The following PABPC1L variants were observed in gnomAD, a reference collection of about 807,000 sequenced individuals.
PABPC1L encodes polyadenylate-binding protein 1-like.
Under a neutral mutation model 66.6 loss-of-function variants are expected in PABPC1L, and 31 were observed. That is an observed-to-expected ratio of 0.47 (90% CI 0.35 to 0.63). The LOEUF (loss-of-function observed/expected upper bound fraction) is 0.63, where lower values mean the gene tolerates loss of function less well. PABPC1L is among the 20% of genes least tolerant of loss of function. The pLI, the probability that PABPC1L is intolerant of heterozygous loss-of-function variation, is 0.00. For synonymous variants in PABPC1L, 348 were observed against 335.1 expected (o/e 1.04, Z -0.42); for missense variants, 722 against 848.8 (o/e 0.85, Z 1.86).
chr20:44,932,141 A>T, intron 8 of PABPC1L: 1 of 400,758 alleles, frequency 2.5e-6, no homozygotes, highest in Non-Finnish European at 4.4e-6. Context: ...ATTGAAATCT[A>T]AGATCTTTGC....
intron 6 of PABPC1L, among the ~76,000 whole-genome samples, chr20:44,922,446 CA>C (rs926633981): frequency 1.8e-4 from 27 of 152,238 alleles, no homozygotes; most frequent in Non-Finnish European, 3.1e-4. Context: ...CCATGTTGCC[CA>C]GGCTGGTCTT....
chr20:44,912,701 G>A lies in PABPC1L; in HGVS notation c.235G>A (p.Gly79Ser), dbSNP rs765091421. Residue 79 changes from glycine (G) to serine (S), a missense_variant, in exon 2 of 15, where the codon GGC (glycine) becomes AGC (serine). Coordinates refer to ENST00000217073, the MANE Select transcript of PABPC1L (RefSeq NM_001372179.1). ...CACAATGAACTTTGAGATGCTCAAA[G>A]GCCAGCCTATTCGCATCATGTGGTC... The part of the protein sequence containing the change: ...LDTMNFEMLK[G>S]QPIRIMWSQR... 3 of 1,614,072 alleles carry A rather than the reference G, an allele frequency of 1.9e-6. No individual in the cohort carries two copies. The highest frequency in any genetic ancestry group is 2.5e-6 in the Non-Finnish European group (3 of 1,179,982).
rs2066741577 is a variant in PABPC1L, at chr20:44,916,884, G to A, written c.503+13G>A. 1 of 1,612,074 alleles carries A rather than the reference G, an allele frequency of 6.2e-7. No homozygotes were observed. The highest frequency in any genetic ancestry group is 1.3e-5 in the African/African-American group (1 of 74,890). On this transcript the variant is annotated intron_variant, in intron 3 of 14. Coordinates refer to ENST00000217073, the MANE Select transcript of PABPC1L (RefSeq NM_001372179.1). ...ATGACCGCAAAGTGTGAGTGGCTGG[G>A]CCCGAGGGAGGGGCGGAGGCTGCAG...
At chr20:44,912,945 A>G in intron 2 of PABPC1L, 92 bp downstream of exon 2, 2 of 1,241,490 alleles carry the variant, frequency 1.6e-6, no homozygotes, top group Non-Finnish European at 2.2e-6. Context: ...TTTACAGTTT[A>G]CAAGGTCCTT....
In PABPC1L at chr20:44,924,150, T is replaced by C. The variant is rs2066792555; in HGVS notation, c.877-11T>C. 1 of 1,608,934 alleles carries C rather than the reference T, an allele frequency of 6.2e-7. No individual in the cohort carries two copies. Among genetic ancestry groups the C allele is most frequent in the South Asian group, 1.1e-5 (1 of 90,988 alleles). ...AGAAGGGGACATCCAGCAGTTTCCC[T>C]TCCATCCCAGGGTGTGAACTTGTAT... On this transcript the variant is annotated splice_polypyrimidine_tract_variant and intron_variant, in intron 6 of 14. Transcript: ENST00000217073.
At chr20:44,936,608 T>C (rs2066902394) in intron 11 of PABPC1L, 29 bp from the exon 12 acceptor site, 1 of 1,532,050 alleles carries the variant, frequency 6.5e-7, no homozygotes, top group South Asian at 1.2e-5. Context: ...TCCATGGTGA[T>C]TAAGGGATGT....
chr20:44,927,992 G>A (rs2066822497), intron 7 of PABPC1L, among the ~76,000 whole-genome samples: 1 of 149,770 alleles, frequency 6.7e-6, no homozygotes, highest in South Asian at 2.1e-4. Flanking sequence ...AGATTCTTAG[G>A]TGTACAAAAA....
Position 44,924,223 on chromosome 20 carries a change from G to A in PABPC1L, c.939G>A (p.Glu313=). 2 of 1,614,034 alleles carry A rather than the reference G, an allele frequency of 1.2e-6. No homozygotes were observed. Among genetic ancestry groups the A allele is most frequent in the Non-Finnish European group, 1.7e-6 (2 of 1,179,892 alleles). ...DSIDDDKLRK[E]FSPYGVITSA... ...TTGATGACGACAAACTGAGGAAAGA[G>A]TTCTCTCCCTATGGAGTAATTACCA... The change falls in exon 7 of 15, where the codon GAG becomes GAA. Residue 313 remains glutamate, a synonymous_variant. Transcript: ENST00000217073.
In PABPC1L at chr20:44,935,435, T is replaced by C. The variant is rs1193437851; in HGVS notation, c.1504T>C (p.Cys502Arg). 5.0e-6 allele frequency: 8 copies of C among 1,614,100 alleles called. No homozygotes were observed. The highest frequency in any genetic ancestry group is 2.7e-5 in the African/African-American group (2 of 74,932). The change falls in exon 11 of 15, where the codon TGT becomes CGT. Residue 502 changes from cysteine to arginine, a missense_variant. Transcript: ENST00000217073. ...CACAGGACCCAGTGGGGTAGGATGC[T>C]GTACACCAGGCCGGCCGCTCCTGCC... ...QTTGPSGVGC[C>R]TPGRPLLPCK...
rs747924407 is a variant in PABPC1L at position 44,930,718 on chromosome 20, A to G, written c.1231A>G (p.Met411Val). Residue 411 changes from methionine to valine, a missense_variant, in exon 8 of 15, where the codon ATG (methionine) becomes GTG (valine). By Grantham distance (21) the Met-to-Val change is conservative (BLOSUM62 1). Around this residue, in one of 3 missense-constraint regions of PABPC1L, gnomAD observed 301 missense variants for 337.2 expected, o/e 0.89. Coordinates refer to ENST00000217073, the MANE Select transcript of PABPC1L (RefSeq NM_001372179.1). Reference sequence around the variant, plus strand: ...GCCCTCCAGCTACTTCCTGCCTGCCATGCCCCAGGTGACGGCCTGCCCGCA... The same window carrying G: ...GCCCTCCAGCTACTTCCTGCCTGCCGTGCCCCAGGTGACGGCCTGCCCGCA... ...QQPSSYFLPA[M>V]PQPPAQAAYY... is the part of the protein sequence containing the mutation. 1.2e-6 allele frequency: 2 copies of G among 1,613,152 alleles called. No homozygotes were observed. The highest frequency in any genetic ancestry group is 2.2e-5 in the South Asian group (2 of 91,024).
intron 5 of PABPC1L, among the ~76,000 whole-genome samples, 153 bp downstream of exon 5, chr20:44,919,430 T>C (rs557578242): frequency 1.3e-5 from 2 of 152,328 alleles, no homozygotes; most frequent in South Asian, 4.1e-4. Flanking sequence ...CCCTTCCTTC[T>C]GTGGTCAAAG....
rs989186145 is a variant in PABPC1L, at chr20:44,918,963, C to T, written c.561C>T (p.Ala187=). Residue 187 remains alanine (A), a synonymous_variant, in exon 4 of 15, where the codon GCC becomes GCT. Transcript: ENST00000217073. ...GGGAGGCGGAGCTGGGGGCGCGGGC[C>T]CTGGAGTTCACCAACATCTACGTGA... ...REREAELGAR[A]LEFTNIYVKN... The T allele has an allele frequency of 6.2e-7, 1 of 1,613,126 alleles. No homozygotes were observed. The highest frequency in any genetic ancestry group is 1.3e-5 in the African/African-American group (1 of 75,002).
intron 2 of PABPC1L, among the ~76,000 whole-genome samples, chr20:44,914,350 G>A (rs1384131008): frequency 1.8e-4 from 28 of 151,962 alleles, no homozygotes; most frequent in Admixed American, 1.8e-3. Context: ...GGGACTACAG[G>A]TGCCCGCCAC....
At chr20:44,916,222 T>C (rs1601108213) in intron 2 of PABPC1L, among the ~76,000 whole-genome samples, 1 of 152,244 alleles carries the variant, frequency 6.6e-6, no homozygotes, top group Non-Finnish European at 1.5e-5. Flanking sequence ...GTATGCAGTA[T>C]AGATGAAACC....
chr20:44,924,027 G>C, intron 6 of PABPC1L, 134 bp from the exon 7 acceptor site: 1 of 712,706 alleles, frequency 1.4e-6, no homozygotes, highest in Admixed American at 2.2e-5. Context: ...TGGGTGCTGA[G>C]GGAGACGGGG....
chr20:44,938,233 A>T (rs780646842), intron 13 of PABPC1L, 42 bp downstream of exon 13: 18 of 1,599,990 alleles, frequency 1.1e-5, no homozygotes, highest in Non-Finnish European at 1.4e-5. Context: ...AGGGGGCAGG[A>T]GGAGAGCTAA....
chr20:44,924,262 G>C lies in PABPC1L; in HGVS notation c.972+6G>C. The stretch of plus-strand genomic sequence containing the variant: ...GAGTAATTACCAGTGCGAAGGTGAG[G>C]ACTGGGGGCACCTCCGGGGGACAGC... On this transcript the variant is annotated splice_donor_region_variant and intron_variant, in intron 7 of 14. Coordinates refer to ENST00000217073, the MANE Select transcript of PABPC1L (RefSeq NM_001372179.1). 1.9e-6 allele frequency: 3 copies of C among 1,602,872 alleles called. No individual in the cohort carries two copies. Among genetic ancestry groups the C allele is most frequent in the Non-Finnish European group, 2.6e-6 (3 of 1,169,940 alleles).
intron 7 of PABPC1L, among the ~76,000 whole-genome samples, 188 bp from the exon 8 acceptor site, chr20:44,930,272 A>T (rs931999908): frequency 6.6e-6 from 1 of 151,600 alleles, no homozygotes; most frequent in Non-Finnish European, 1.5e-5. Flanking sequence ...ACAGCTTGCT[A>T]AACGGGGGTG....
intron 8 of PABPC1L, 74 bp from the exon 9 acceptor site, chr20:44,932,268 G>T (rs2066865672): frequency 3.3e-6 from 4 of 1,196,040 alleles, no homozygotes; most frequent in African/African-American, 1.5e-5. Flanking sequence ...CTGCCATGGT[G>T]TCCCTGAGGA....
Sources: gnomAD v4.1 joint callset for allele counts (sites outside exome capture counted in the v4.1 genomes callset) on GRCh38, gnomAD v4.1.1 for gene constraint, gnomAD v4.1.1 regional missense constraint, MANE v1.5 for transcripts, NCBI Gene and HGNC (gene_info 2026-07-23, HGNC 2026-07-21) for gene names.